BAHCC1: variants seen among roughly 807,000 people sequenced by gnomAD.
BAHCC1 encodes the protein BAH and coiled-coil domain-containing protein 1.
BAHCC1 carries 43 observed loss-of-function variants against 88.2 expected under a neutral mutation model. The observed-to-expected ratio is 0.49, with a 90% CI of 0.38 to 0.63. The LOEUF is 0.63. Among genes scored for constraint, BAHCC1 ranks in the 20% least tolerant of loss-of-function variants. BAHCC1 has a pLI of 0.00. For missense variants in BAHCC1, 3,023 were observed against 1,654.8 expected, an observed-to-expected ratio of 1.83 and a Z score of -14.34; for synonymous variants, 1,510 against 745.5, an observed-to-expected ratio of 2.03 and a Z score of -16.71.
chr17:81,427,137 G>T (rs921190980), intron 3 of BAHCC1, among the ~76,000 whole-genome samples, 158 bp downstream of exon 3: 1 of 152,152 alleles, frequency 6.6e-6, no homozygotes, highest in Non-Finnish European at 1.5e-5. Flanking sequence ...TCCCTGCCGA[G>T]GAAGCCCCGG....
At chr17:81,452,932 C>T in intron 14 of BAHCC1, 81 bp downstream of exon 14, 2 of 627,136 alleles carry the variant, frequency 3.2e-6, no homozygotes, top group Non-Finnish European at 5.6e-6. Context: ...TCCAGGCTCC[C>T]CTGAGGCTTC....
At chr17:81,454,208 G>A (rs2064701125) in intron 14 of BAHCC1, among the ~76,000 whole-genome samples, 1 of 152,220 alleles carries the variant, frequency 6.6e-6, no homozygotes, top group Admixed American at 6.5e-5. Flanking sequence ...TTCTGGGGAG[G>A]GTGGGTCACC....
chr17:81,420,144 C>G (rs1449292444), intron 2 of BAHCC1, among the ~76,000 whole-genome samples: 1 of 152,180 alleles, frequency 6.6e-6, no homozygotes, highest in Admixed American at 6.5e-5. Context: ...GTCCTGGGCT[C>G]CAGGGCCCCA....
At chr17:81,425,790 T>A (rs1241359930) in intron 2 of BAHCC1, among the ~76,000 whole-genome samples, 1 of 133,650 alleles carries the variant, frequency 7.5e-6, no homozygotes, top group Non-Finnish European at 1.6e-5. Flanking sequence ...ATGATGTGGT[T>A]GAGGGTGATG....
Position 81,399,354 on chromosome 17 carries a change from C to A in BAHCC1, c.-206-180C>A. The A allele has an allele frequency of 6.7e-6, 1 of 148,666 alleles. No homozygotes were observed. 9.2% of individuals were successfully genotyped at this position (148,666 alleles called of 1,614,324 possible). A position where few individuals can be genotyped will look rare whatever the true frequency, so the allele number is the denominator to read the frequency against. On this transcript the variant is annotated intron_variant, in intron 1 of 27. Coordinates refer to ENST00000675386, the MANE Select transcript of BAHCC1 (RefSeq NM_001377448.1). This position sits in a 1 kb window ranked among gnomAD's most constrained non-coding sequence, Gnocchi z 4.5. ...CGCGCGCGGGGCCCCGGGTGCTGGGCTGCGCGCGCGTGCGGCGGGGAGACA... is the reference window on the plus strand; with the variant it reads ...CGCGCGCGGGGCCCCGGGTGCTGGGATGCGCGCGCGTGCGGCGGGGAGACA...
rs782167209 is a variant in BAHCC1 at position 81,445,342 on chromosome 17, C to A, written c.2836-12C>A. On this transcript the variant is annotated splice_polypyrimidine_tract_variant and intron_variant, in intron 9 of 27. Transcript: ENST00000675386. Reference sequence around the variant, plus strand: ...TCCTGAGCCTGACCGAGCTTGCCCCCATCCCTGACAGCGGAAGCCCGAAGA... The same window carrying A: ...TCCTGAGCCTGACCGAGCTTGCCCCAATCCCTGACAGCGGAAGCCCGAAGA... 5 of 769,482 alleles carry A rather than the reference C, an allele frequency of 6.5e-6. No homozygotes were observed. The highest frequency in any genetic ancestry group is 4.9e-5 in the East Asian group (2 of 40,680). 47.7% of individuals were successfully genotyped at this position (769,482 alleles called of 1,614,324 possible).
At chr17:81,454,153 C>T (rs1464642317) in intron 14 of BAHCC1, among the ~76,000 whole-genome samples, 1 of 152,214 alleles carries the variant, frequency 6.6e-6, no homozygotes, top group Non-Finnish European at 1.5e-5. Context: ...GGCAGAGAGA[C>T]TCCCCAAGCC....
Position 81,424,631 on chromosome 17 carries a change from T to C in BAHCC1, c.179-2169T>C, listed in dbSNP as rs1400867355. Among the ~76,000 whole-genome samples the C allele has an allele frequency of 2.6e-5, 4 of 151,968 alleles. No individual in the cohort carries two copies. The East Asian group carries it at 5.8e-4, about 22-fold the overall frequency. ...TGTTGAATGTGGTTGGTAATGGTGG[T>C]GGATGATGTGGTTGGTGGTAATGGT... On this transcript the variant is annotated intron_variant, in intron 2 of 27. Transcript: ENST00000675386.
chr17:81,443,713 A>G, intron 5 of BAHCC1, 96 bp from the exon 6 acceptor site: 1 of 667,764 alleles, frequency 1.5e-6, no homozygotes, highest in Non-Finnish European at 2.7e-6. Flanking sequence ...TCAGTGCATC[A>G]GGCCCCCCAG....
rs186885654 is a variant in BAHCC1, at chr17:81,450,387, C to T, written c.3977-1281C>T. Among the ~76,000 whole-genome samples, 690 of 152,290 alleles carry T rather than the reference C, an allele frequency of 4.5e-3. 7 individuals are homozygous for T. The highest frequency in any genetic ancestry group is 0.016 in the African/African-American group (661 of 41,566). ...CAACCTGGGCCCGACCCTGCATGGACGCCAGCCTCTGCTGGCCCATGCTCT... is the reference window on the plus strand; with the variant it reads ...CAACCTGGGCCCGACCCTGCATGGATGCCAGCCTCTGCTGGCCCATGCTCT... On this transcript the variant is annotated intron_variant, in intron 11 of 27. Coordinates refer to ENST00000675386, the MANE Select transcript of BAHCC1 (RefSeq NM_001377448.1).
Position 81,461,058 on chromosome 17 carries a change from T to C in BAHCC1, c.6395T>C (p.Leu2132Pro). The change falls in exon 26 of 28, where the codon CTG (leucine) becomes CCG (proline). Residue 2132 changes from leucine to proline, a missense_variant. Coordinates refer to ENST00000675386, the MANE Select transcript of BAHCC1 (RefSeq NM_001377448.1). ...CAGCTCAACGGCAGCAGCAAGAAGCTGCGGGCCCGCGAGGCCCTGTTCCCC... is the reference window on the plus strand; with the variant it reads ...CAGCTCAACGGCAGCAGCAAGAAGCCGCGGGCCCGCGAGGCCCTGTTCCCC... ...LFQLNGSSKK[L>P]RAREALFPVH... The C allele has an allele frequency of 2.6e-6, 2 of 771,350 alleles. No homozygotes were observed. The highest frequency in any genetic ancestry group is 4.8e-6 in the Non-Finnish European group (2 of 416,934). 47.8% of individuals were successfully genotyped at this position (771,350 alleles called of 1,614,324 possible). A position where few individuals can be genotyped will look rare whatever the true frequency, so the allele number is the denominator to read the frequency against.
At chr17:81,440,576 G>A (rs1350474045) in intron 4 of BAHCC1, among the ~76,000 whole-genome samples, 2 of 152,172 alleles carry the variant, frequency 1.3e-5, no homozygotes, top group African/African-American at 4.8e-5. Flanking sequence ...ACCCAGCTGG[G>A]TGTGGAGAGG....
At chr17:81,444,863 G>T (rs1555653897) in intron 8 of BAHCC1, 37 bp downstream of exon 8, 2 of 751,126 alleles carry the variant, frequency 2.7e-6, no homozygotes, top group Non-Finnish European at 4.9e-6. Context: ...TACTTGGGGG[G>T]TGCTGTTGGA....
rs1218009273 is a variant in BAHCC1, at chr17:81,435,302, T to A, written c.359-3068T>A. 2 of 372,832 alleles carry A rather than the reference T, an allele frequency of 5.4e-6. No individual in the cohort carries two copies. The highest frequency in any genetic ancestry group is 1.1e-5 in the Non-Finnish European group (2 of 183,954). 23.1% of individuals were successfully genotyped at this position (372,832 alleles called of 1,614,324 possible). A position where few individuals can be genotyped will look rare whatever the true frequency, so the allele number is the denominator to read the frequency against. On this transcript the variant is annotated intron_variant, in intron 3 of 27. Transcript: ENST00000675386. The surrounding 1 kb of genome is among the most constrained non-coding windows in gnomAD (Gnocchi z 4.4). Reference sequence around the variant, plus strand: ...CTAACCCATCAGGTGCCTGTGGCTTTGAGCCTCTGTCTCCTGCAGTCTGTC... The same window carrying A: ...CTAACCCATCAGGTGCCTGTGGCTTAGAGCCTCTGTCTCCTGCAGTCTGTC...
chr17:81,440,910 G>C (rs1397419608), intron 4 of BAHCC1, among the ~76,000 whole-genome samples: 1 of 152,220 alleles, frequency 6.6e-6, no homozygotes, highest in East Asian at 1.9e-4. Context: ...CCAGCAGGTG[G>C]GTGAGCCCTT....
chr17:81,409,937 G>A (rs905301519), intron 2 of BAHCC1: 5 of 194,282 alleles, frequency 2.6e-5, no homozygotes, highest in Admixed American at 6.1e-5. Context: ...GCGCCTGCCC[G>A]AGCTGAGGGG....
chr17:81,434,657 G>A lies in BAHCC1; in HGVS notation c.359-3713G>A, dbSNP rs950499899. Among the ~76,000 whole-genome samples the A allele has an allele frequency of 2.0e-5, 3 of 152,058 alleles. No individual in the cohort carries two copies. The highest frequency in any genetic ancestry group is 7.2e-5 in the African/African-American group (3 of 41,400). On this transcript the variant is annotated intron_variant, in intron 3 of 27. Coordinates refer to ENST00000675386, the MANE Select transcript of BAHCC1 (RefSeq NM_001377448.1). The surrounding 1 kb of genome is among the most constrained non-coding windows in gnomAD (Gnocchi z 4.9). ...GCGTCCCTCCCTCCTAGACCTGGCC[G>A]TGAAGATACCCCAAGTTCAGCATCC...
Position 81,456,157 on chromosome 17 carries a change from C to T in BAHCC1, c.4570-140C>T, listed in dbSNP as rs868951145. ...CCCTGTGTCTCTGGGCCAGACATCC[C>T]TTCAGCCCCTGTGGATCGAGGGCAG... On this transcript the variant is annotated intron_variant, in intron 15 of 27. Coordinates refer to ENST00000675386, the MANE Select transcript of BAHCC1 (RefSeq NM_001377448.1). The T allele has an allele frequency of 2.0e-4, 120 of 588,342 alleles. No individual in the cohort carries two copies. The Middle Eastern group carries it at 2.2e-3, about 11-fold the overall frequency. 36.4% of individuals were successfully genotyped at this position (588,342 alleles called of 1,614,324 possible).
intron 20 of BAHCC1, 22 bp from the exon 21 acceptor site, chr17:81,459,032 C>T (rs782537714): frequency 1.9e-5 from 14 of 736,080 alleles, no homozygotes; most frequent in East Asian, 2.6e-5. Context: ...CCGTGCCGGC[C>T]GCTGACACCT....
Sources: allele counts gnomAD v4.1 joint callset (sites outside exome capture counted in the v4.1 genomes callset), GRCh38; gene constraint gnomAD v4.1.1; non-coding constraint Gnocchi (gnomAD v3.1); transcripts MANE v1.5; gene names NCBI Gene and HGNC (gene_info 2026-07-23, HGNC 2026-07-21).